The following RAB28 variants were observed in gnomAD, a reference collection of about 807,000 sequenced individuals.
The protein encoded by RAB28 is RAB28, member RAS oncogene family.
In RAB28, 24 loss-of-function variants were observed where a neutral mutation model predicts 31.7. That is an observed-to-expected ratio of 0.76 (90% CI 0.55 to 1.06). RAB28 has a LOEUF of 1.06. Ranked by LOEUF, RAB28 falls within the 50% of genes least tolerant of loss-of-function variation. The probability of loss-of-function intolerance (pLI) is 0.00; values close to 1 mark genes in which losing one functional copy is unlikely to be tolerated. For missense variants in RAB28, 254 were observed against 258.5 expected, an observed-to-expected ratio of 0.98 and a Z score of 0.12; for synonymous variants, 100 against 90.4, an observed-to-expected ratio of 1.11 and a Z score of -0.60.
intron 6 of RAB28, among the ~76,000 whole-genome samples, chr4:13,373,990 T>C (rs941651246): frequency 5.9e-5 from 9 of 151,320 alleles, no homozygotes; most frequent in Non-Finnish European, 1.2e-4. Flanking sequence ...TGTGTGTGTA[T>C]ATATATATAA....
chr4:13,415,875 T>A (rs113010375), intron 4 of RAB28, among the ~76,000 whole-genome samples: 3 of 152,194 alleles, frequency 2.0e-5, no homozygotes, highest in African/African-American at 7.2e-5. Context: ...AGAACCTTTA[T>A]GTCTAGCTAG....
At chr4:13,435,062 T>C (rs1379652409) in intron 4 of RAB28, among the ~76,000 whole-genome samples, 1 of 109,480 alleles carries the variant, frequency 9.1e-6, no homozygotes, top group Non-Finnish European at 2.0e-5. Flanking sequence ...AAGAAAACAA[T>C]ACAAAGAGGA....
chr4:13,433,771 T>C (rs556582380), intron 4 of RAB28, among the ~76,000 whole-genome samples: 2 of 152,226 alleles, frequency 1.3e-5, no homozygotes, highest in East Asian at 1.9e-4. Flanking sequence ...GAGCTAAAAA[T>C]AGAACTACCA....
chr4:13,437,105 T>C (rs1175129757), intron 4 of RAB28, among the ~76,000 whole-genome samples: 1 of 152,042 alleles, frequency 6.6e-6, no homozygotes, highest in Admixed American at 6.6e-5. Context: ...AAATAAACAA[T>C]GGCGAAAGGA....
chr4:13,447,567 A>G (rs1029051140), intron 4 of RAB28, among the ~76,000 whole-genome samples: 7 of 152,232 alleles, frequency 4.6e-5, no homozygotes, highest in Non-Finnish European at 5.9e-5. Context: ...AATGTCACAT[A>G]AAGTGGAAAA....
At chr4:13,408,015 G>A (rs532972275) in intron 4 of RAB28, among the ~76,000 whole-genome samples, 1 of 152,182 alleles carries the variant, frequency 6.6e-6, no homozygotes, top group South Asian at 2.1e-4. Flanking sequence ...TCTTTCTCTT[G>A]CCTGATTGCC....
intron 4 of RAB28, among the ~76,000 whole-genome samples, chr4:13,410,597 G>C (rs1292170638): frequency 2.0e-5 from 3 of 152,078 alleles, no homozygotes; most frequent in Non-Finnish European, 4.4e-5. Context: ...AGCCTTATCA[G>C]CTCCTATCAG....
intron 4 of RAB28, among the ~76,000 whole-genome samples, chr4:13,417,337 A>G (rs567122640): frequency 6.6e-6 from 1 of 152,310 alleles, no homozygotes; most frequent in South Asian, 2.1e-4. Context: ...AAGGCAGCAG[A>G]AACTTTTGCA....
At chr4:13,371,382 AG>A in intron 6 of RAB28, 4 of 985,356 alleles carry the variant, frequency 4.1e-6, no homozygotes, top group Non-Finnish European at 4.8e-6. Context: ...GTTACAATGA[AG>A]AGATGGGATT....
intron 3 of RAB28, among the ~76,000 whole-genome samples, chr4:13,469,555 T>G (rs773114737): frequency 1.3e-5 from 2 of 152,114 alleles, no homozygotes; most frequent in Non-Finnish European, 2.9e-5. Context: ...TAGTATTTTG[T>G]AAACTTCAAG....
intron 5 of RAB28, 55 bp downstream of exon 5, chr4:13,381,436 G>C: frequency 7.9e-7 from 1 of 1,273,322 alleles, no homozygotes; most frequent in South Asian, 1.3e-5. Flanking sequence ...TACTTCCTAG[G>C]AATGTTAGTA....
intron 4 of RAB28, among the ~76,000 whole-genome samples, chr4:13,411,306 G>A (rs1407933055): frequency 1.3e-5 from 2 of 152,076 alleles, no homozygotes; most frequent in Non-Finnish European, 2.9e-5. Context: ...TACAACTTTT[G>A]TGAATAAATA....
chr4:13,375,965 TTCTGAAGCATAACTTTATAGGC>T (rs1021826289), intron 6 of RAB28, among the ~76,000 whole-genome samples: 4 of 152,166 alleles, frequency 2.6e-5, no homozygotes, highest in African/African-American at 9.7e-5. Context: ...ACCAAACCAC[TTCTGAAGCATAACTTTATAGGC>T]TCTTACTCTG....
chr4:13,386,804 C>A (rs1441046448), intron 4 of RAB28, among the ~76,000 whole-genome samples: 1 of 151,982 alleles, frequency 6.6e-6, no homozygotes, highest in Non-Finnish European at 1.5e-5. Flanking sequence ...AGTGTATGTC[C>A]CTTGCAGCAC....
At chr4:13,423,205 G>A (rs1560287291) in intron 4 of RAB28, among the ~76,000 whole-genome samples, 1 of 152,246 alleles carries the variant, frequency 6.6e-6, no homozygotes, top group South Asian at 2.1e-4. Context: ...GCCACTTTTT[G>A]TTATGGCCCA....
chr4:13,461,361 C>A (rs1207358777), intron 3 of RAB28, among the ~76,000 whole-genome samples: 1 of 152,146 alleles, frequency 6.6e-6, no homozygotes, highest in Non-Finnish European at 1.5e-5. Context: ...ATTTGGAGAA[C>A]TTGAGAGTAT....
In RAB28 at chr4:13,376,596, A is replaced by G. The variant is rs759031443; in HGVS notation, c.522T>C (p.Ala174=). ...DSVFLCFQKV[A]AEILGIKLNK... ...TTAATTTGATCCCAAGGATTTCAGC[A>G]GCAACTTTCTGAAAGCACAGGAAGA... Residue 174 remains alanine, a synonymous_variant, in exon 6 of 7, where the codon GCT becomes GCC. Transcript: ENST00000330852. 3.1e-6 allele frequency: 5 copies of G among 1,603,968 alleles called. No homozygotes were observed. The Admixed American group carries it at 8.6e-5, about 28-fold the overall frequency.
At chr4:13,481,965 T>A (rs547987423) in intron 1 of RAB28, among the ~76,000 whole-genome samples, 1 of 151,998 alleles carries the variant, frequency 6.6e-6, no homozygotes, top group African/African-American at 2.4e-5. Context: ...GAGAACTGAA[T>A]AGGGTATGGA....
At chr4:13,379,197 C>T (rs1231861616) in intron 5 of RAB28, among the ~76,000 whole-genome samples, 2 of 96,782 alleles carry the variant, frequency 2.1e-5, no homozygotes, top group East Asian at 3.1e-4. Context: ...CACAGTGAAA[C>T]TCTGTCTCAA....
Sources: gnomAD v4.1 joint callset for allele counts (sites outside exome capture counted in the v4.1 genomes callset) on GRCh38, gnomAD v4.1.1 for gene constraint, MANE v1.5 for transcripts, NCBI Gene and HGNC (gene_info 2026-07-23, HGNC 2026-07-21) for gene names.